Variants in DPP10 observed in about 807,000 individuals in gnomAD.
The protein encoded by DPP10 is dipeptidyl peptidase like 10.
DPP10 carries 33 observed loss-of-function variants against 120.9 expected under a neutral mutation model. The observed-to-expected ratio is 0.27, with a 90% CI of 0.21 to 0.37. DPP10 has a LOEUF of 0.37. Ranked by LOEUF, DPP10 falls within the 10% of genes least tolerant of loss-of-function variation. DPP10 has a pLI of 1.00. For synonymous variants in DPP10, 337 were observed against 326.1 expected (o/e 1.03, Z -0.36); for missense variants, 816 against 942.8 (o/e 0.87, Z 1.76).
intron 3 of DPP10, among the ~76,000 whole-genome samples, chr2:115,469,901 A>AAAAAAAAAAG (rs1558709898): frequency 3.1e-4 from 23 of 74,640 alleles, no homozygotes; most frequent in Non-Finnish European, 4.4e-4. Context: ...AAAAAAAAAG[A>AAAAAAAAAAG]AAAAAAAAAA....
At chr2:115,431,325 AGAC>A in intron 3 of DPP10, among the ~76,000 whole-genome samples, 1 of 152,192 alleles carries the variant, frequency 6.6e-6, no homozygotes, top group East Asian at 1.9e-4. Flanking sequence ...AACAAGGAGT[AGAC>A]GACGAAGTGA....
intron 1 of DPP10, among the ~76,000 whole-genome samples, chr2:115,156,082 G>A (rs181627210): frequency 1.3e-5 from 2 of 152,250 alleles, no homozygotes. Context: ...AATATAACAA[G>A]GGATATACAC....
chr2:114,729,273 G>A (rs756811055), intron 1 of DPP10, among the ~76,000 whole-genome samples: 6 of 152,210 alleles, frequency 3.9e-5, no homozygotes, highest in Non-Finnish European at 8.8e-5. Flanking sequence ...TTACTGAATA[G>A]TTTCAGATGA....
Position 114,916,124 on chromosome 2 carries a change from T to A in DPP10, c.61-393115T>A, listed in dbSNP as rs189335059. Among the ~76,000 whole-genome samples the A allele has an allele frequency of 2.7e-3, 409 of 152,080 alleles. 3 individuals carry two copies. The highest frequency in any genetic ancestry group is 3.6e-3 in the Non-Finnish European group (242 of 67,988). On this transcript the variant is annotated intron_variant, in intron 1 of 25. Transcript: ENST00000410059. Reference sequence around the variant, plus strand: ...AGAGAGAAAATTCAAATAAATGCAATCAGACATGACAAAGGTGACATTACC... The same window carrying A: ...AGAGAGAAAATTCAAATAAATGCAAACAGACATGACAAAGGTGACATTACC...
At chr2:114,854,510 ACT>A (rs1044982087) in intron 1 of DPP10, among the ~76,000 whole-genome samples, 1 of 152,100 alleles carries the variant, frequency 6.6e-6, no homozygotes, top group South Asian at 2.1e-4. Flanking sequence ...TTGGCATTAC[ACT>A]CTCTGTCGAC....
At chr2:115,183,608 C>T (rs2054228884) in intron 1 of DPP10, among the ~76,000 whole-genome samples, 1 of 152,118 alleles carries the variant, frequency 6.6e-6, no homozygotes, top group Admixed American at 6.6e-5. Flanking sequence ...GGAGAGGGTT[C>T]CATGGCAATC....
intron 1 of DPP10, among the ~76,000 whole-genome samples, chr2:114,539,654 G>A (rs1686798928): frequency 6.6e-6 from 1 of 152,186 alleles, no homozygotes. Context: ...CATGCACGTA[G>A]AGAGCATGGG....
At chr2:115,235,613 G>A (rs765925566) in intron 1 of DPP10, among the ~76,000 whole-genome samples, 1 of 152,054 alleles carries the variant, frequency 6.6e-6, no homozygotes, top group Non-Finnish European at 1.5e-5. Flanking sequence ...CCAGGCTGGA[G>A]TGCAGTGGTG....
intron 1 of DPP10, among the ~76,000 whole-genome samples, chr2:114,687,784 AGACTCTGGTC>A (rs1699469140): frequency 6.6e-6 from 1 of 151,988 alleles, no homozygotes. Flanking sequence ...GTCATGTGCT[AGACTCTGGTC>A]GTTTTCACGG....
intron 1 of DPP10, among the ~76,000 whole-genome samples, chr2:114,851,329 T>C (rs939265810): frequency 2.0e-5 from 3 of 152,182 alleles, no homozygotes; most frequent in African/African-American, 7.2e-5. Flanking sequence ...GCAACCCTAA[T>C]ACAATTAACA....
In DPP10 at chr2:114,534,150, T is replaced by C. The variant is rs182840407; in HGVS notation, c.60+91312T>C. On this transcript the variant is annotated intron_variant, in intron 1 of 25. Transcript: ENST00000410059. ...ATTTCTAAGAACTCATTCAAAATGATGGGAATATTTTTCTTATGTGTTATT... is the reference window on the plus strand; with the variant it reads ...ATTTCTAAGAACTCATTCAAAATGACGGGAATATTTTTCTTATGTGTTATT... Among the ~76,000 whole-genome samples, 135 of 152,332 alleles carry C rather than the reference T, an allele frequency of 8.9e-4. 2 individuals carry two copies. Among genetic ancestry groups the C allele is most frequent in the Middle Eastern group, 3.4e-3 (1 of 294 alleles).
rs1443318558 is a variant in DPP10, at chr2:115,814,799, A to C, written c.1707A>C (p.Glu569Asp). ...NQYALLLIMD[E>D]EPGGQLVTDK... is the part of the protein sequence containing the mutation. ...AATATGTTGGTATTTGCAGGGATGA[A>C]GAACCAGGAGGCCAGCTGGTTACAG... Residue 569 changes from glutamate (E) to aspartate (D), a missense_variant, in exon 20 of 26, where the codon GAA (glutamate) becomes GAC (aspartate). Transcript: ENST00000410059. The C allele has an allele frequency of 6.5e-7, 1 of 1,540,668 alleles. No homozygotes were observed. The highest frequency in any genetic ancestry group is 8.9e-7 in the Non-Finnish European group (1 of 1,129,228).
At chr2:115,534,428 A>C (rs2078672741) in intron 5 of DPP10, among the ~76,000 whole-genome samples, 1 of 151,128 alleles carries the variant, frequency 6.6e-6, no homozygotes, top group Non-Finnish European at 1.5e-5. Flanking sequence ...TGTCCCTACA[A>C]AGGACATGAA....
At chr2:114,588,239 C>A (rs1015213045) in intron 1 of DPP10, among the ~76,000 whole-genome samples, 12 of 152,128 alleles carry the variant, frequency 7.9e-5, no homozygotes, top group Middle Eastern at 3.2e-3. Context: ...TATACAAAGG[C>A]GTAACTCATG....
intron 7 of DPP10, among the ~76,000 whole-genome samples, chr2:115,713,485 G>A (rs2092395703): frequency 6.6e-6 from 1 of 152,214 alleles, no homozygotes; most frequent in South Asian, 2.1e-4. Context: ...GGTGTGAACA[G>A]GAATACATGA....
chr2:115,567,456 A>T (rs2081071319), intron 5 of DPP10, among the ~76,000 whole-genome samples: 1 of 151,590 alleles, frequency 6.6e-6, no homozygotes, highest in Admixed American at 6.6e-5. Context: ...CATCCCTTTG[A>T]TTCCTTTTGC....
At chr2:114,601,446 A>T (rs1692358277) in intron 1 of DPP10, among the ~76,000 whole-genome samples, 1 of 151,938 alleles carries the variant, frequency 6.6e-6, no homozygotes, top group Non-Finnish European at 1.5e-5. Context: ...AGAATCTTGG[A>T]TGTGGCTTTA....
chr2:115,646,489 G>A (rs901536928), intron 5 of DPP10, among the ~76,000 whole-genome samples: 1 of 152,142 alleles, frequency 6.6e-6, no homozygotes, highest in African/African-American at 2.4e-5. Context: ...TGCATTATTT[G>A]TGCTGAAACA....
At position 115,359,182 on chromosome 2, in the gene DPP10, A is replaced by C. The variant is rs574149570; in HGVS notation, c.271+15270A>C. On this transcript the variant is annotated intron_variant, in intron 3 of 25. Transcript: ENST00000410059. ...AATTTGACCCTGTGATCATGTTATT[A>C]CCTGGTTGTTTTGTGGACTCGATTG... 5.9e-5 allele frequency among the ~76,000 whole-genome samples: 9 copies of C among 152,146 alleles called. No homozygotes were observed. The South Asian group carries it at 6.2e-4, about 11-fold the overall frequency.
Sources: gnomAD v4.1 joint callset for allele counts (sites outside exome capture counted in the v4.1 genomes callset) on GRCh38, gnomAD v4.1.1 for gene constraint, MANE v1.5 for transcripts, NCBI Gene and HGNC (gene_info 2026-07-23, HGNC 2026-07-21) for gene names.